Variants in ABR observed in about 807,000 individuals in gnomAD.
ABR encodes ABR activator of RhoGEF and GTPase.
In ABR, 35 loss-of-function variants were observed where a neutral mutation model predicts 107.2. The ratio of observed to expected loss-of-function variants is 0.33; its 90% confidence interval spans 0.25 to 0.43. The LOEUF (loss-of-function observed/expected upper bound fraction) is 0.43. Among genes scored for constraint, ABR ranks in the 20% least tolerant of loss-of-function variants. The probability of loss-of-function intolerance (pLI) is 1.00; values close to 1 mark genes in which losing one functional copy is unlikely to be tolerated. For synonymous variants in ABR, 498 were observed against 462.0 expected (o/e 1.08, Z -1.00); for missense variants, 815 against 1,115.2 (o/e 0.73, Z 3.83).
chr17:1,033,770 G>T (rs1385742057), intron 16 of ABR, among the ~76,000 whole-genome samples: 1 of 152,150 alleles, frequency 6.6e-6, no homozygotes, highest in African/African-American at 2.4e-5. Context: ...CTGAGGGGGA[G>T]GTGGAGAGAC....
intron 9 of ABR, among the ~76,000 whole-genome samples, chr17:1,068,018 T>G (rs2034896623): frequency 6.6e-6 from 1 of 152,208 alleles, no homozygotes; most frequent in Admixed American, 6.5e-5. Context: ...CTCCAACCTC[T>G]GCCTCCAGGG....
intron 2 of ABR, among the ~76,000 whole-genome samples, chr17:1,122,227 G>A (rs1330730491): frequency 2.0e-5 from 3 of 152,202 alleles, no homozygotes; most frequent in Non-Finnish European, 2.9e-5. Context: ...TTTCATCTGC[G>A]CAAAGCTTAT....
intron 1 of ABR, among the ~76,000 whole-genome samples, chr17:1,208,184 G>A (rs947890196): frequency 5.9e-5 from 9 of 152,122 alleles, no homozygotes; most frequent in African/African-American, 2.2e-4. Context: ...GAAGTTGCTC[G>A]ACCCCCAGAT....
chr17:1,049,920 C>G (rs1597547567), intron 16 of ABR, 130 bp downstream of exon 16: 1 of 1,325,942 alleles, frequency 7.5e-7, no homozygotes, highest in East Asian at 2.4e-5. Context: ...AGAACCACCT[C>G]CTGGGAACTT....
chr17:1,085,913 G>A (rs747898278), intron 4 of ABR, among the ~76,000 whole-genome samples: 1 of 152,282 alleles, frequency 6.6e-6, no homozygotes. Flanking sequence ...TTGGGAGGCC[G>A]AGGCGGGCAG....
intron 6 of ABR, 121 bp from the exon 7 acceptor site, chr17:1,073,798 C>T: frequency 2.4e-6 from 2 of 819,662 alleles, no homozygotes; most frequent in Non-Finnish European, 3.7e-6. Context: ...TCGAGGGACA[C>T]CAGAGTGAGC....
upstream of ABR, among the ~76,000 whole-genome samples, chr17:1,180,541 G>T (rs1016139935): frequency 1.3e-5 from 2 of 152,224 alleles, no homozygotes; most frequent in African/African-American, 4.8e-5. Context: ...GAAGTCACGG[G>T]GGCTGTGGGG....
chr17:1,057,702 T>A lies in ABR; in HGVS notation c.1381+268A>T, dbSNP rs11871660. 2,584 of 368,888 alleles carry A rather than the reference T, an allele frequency of 7.0e-3. 14 individuals carry two copies. Among genetic ancestry groups the A allele is most frequent in the Non-Finnish European group, 9.3e-3 (1,809 of 193,854 alleles). The allele number at this position is 368,888 out of a possible 1,614,324, so 22.9% of individuals were successfully genotyped here. On this transcript the variant is annotated intron_variant, in intron 12 of 22. Coordinates refer to ENST00000302538, the MANE Select transcript of ABR (RefSeq NM_021962.5). ...GTGTGTGTCTCTGTGTGTGTGTGTGTGAGAGAGAGAGAGAGGTAGAGAGAG... is the reference window on the plus strand; with the variant it reads ...GTGTGTGTCTCTGTGTGTGTGTGTGAGAGAGAGAGAGAGAGGTAGAGAGAG...
chr17:1,098,842 A>G (rs1374797869), intron 3 of ABR, among the ~76,000 whole-genome samples: 1 of 152,172 alleles, frequency 6.6e-6, no homozygotes, highest in Non-Finnish European at 1.5e-5. Context: ...CTGGAGTGCA[A>G]TGGTGCAAAC....
At chr17:1,180,248 G>A (rs2042089478), upstream of ABR, among the ~76,000 whole-genome samples, 1 of 152,174 alleles carries the variant, frequency 6.6e-6, no homozygotes, top group African/African-American at 2.4e-5. Context: ...GCAGGATCCT[G>A]GCGATCCGCA....
At chr17:1,110,066 A>T (rs1597848254) in intron 2 of ABR, among the ~76,000 whole-genome samples, 1 of 126,692 alleles carries the variant, frequency 7.9e-6, no homozygotes, top group Non-Finnish European at 1.7e-5. Context: ...CAGCCCCCCC[A>T]GCCACCCCAC....
chr17:1,106,912 T>C (rs2038291420), intron 2 of ABR, among the ~76,000 whole-genome samples: 1 of 152,220 alleles, frequency 6.6e-6, no homozygotes, highest in African/African-American at 2.4e-5. Flanking sequence ...GATCACGCCT[T>C]GTTCCTCTTG....
intron 1 of ABR, among the ~76,000 whole-genome samples, chr17:1,223,362 A>G (rs1034526080): frequency 3.4e-5 from 5 of 149,172 alleles, no homozygotes; most frequent in African/African-American, 1.0e-4. Flanking sequence ...ACTCTACGCC[A>G]GGTGTTCTGC....
rs77758092 is a variant in ABR at position 1,015,630 on chromosome 17, G to A, written c.1792-2466C>T. On this transcript the variant is annotated intron_variant, in intron 16 of 22. Transcript: ENST00000302538. ...CACAACCACACCCGGCTAATTTTTT[G>A]TATTTTTAGTAGAGATGGGGTTTCT... is the stretch of plus-strand genomic sequence containing the variant. Among the ~76,000 whole-genome samples the A allele has an allele frequency of 3.4e-3, 511 of 151,794 alleles. 14 individuals carry two copies. The highest frequency in any genetic ancestry group is 0.03 in the Admixed American group (464 of 15,238).
At chr17:1,031,707 G>A (rs2072784274) in intron 16 of ABR, 10 of 1,249,986 alleles carry the variant, frequency 8.0e-6, no homozygotes, top group African/African-American at 1.6e-5. Flanking sequence ...CCCCGCCTTC[G>A]GGCTGCAGTC....
chr17:1,019,343 AC>A (rs2071443417), intron 16 of ABR, among the ~76,000 whole-genome samples: 1 of 152,212 alleles, frequency 6.6e-6, no homozygotes, highest in Non-Finnish European at 1.5e-5. Flanking sequence ...CCCAGGCGAC[AC>A]TTGCTGCTGT....
chr17:1,058,788 T>G lies in ABR; in HGVS notation c.1262A>C (p.Asn421Thr). 1.2e-6 allele frequency: 2 copies of G among 1,613,064 alleles called. No individual in the cohort carries two copies. Among genetic ancestry groups the G allele is most frequent in the East Asian group, 2.2e-5 (1 of 44,814 alleles). ...MFENEFLLLLNSPTIPFRIHN... is the reference protein window; with the variant it reads ...MFENEFLLLLTSPTIPFRIHN... Reference sequence around the variant, plus strand: ...GATCCTGAACGGGATTGTGGGGGAGTTGAGCAGCAGCAGGAACTCATTCTC... The same window carrying G: ...GATCCTGAACGGGATTGTGGGGGAGGTGAGCAGCAGCAGGAACTCATTCTC... The change falls in exon 11 of 23, where the codon AAC (asparagine) becomes ACC (threonine). Residue 421 changes from asparagine (N) to threonine (T), a missense_variant. Around this residue, in one of 5 missense-constraint regions of ABR, gnomAD observed 385 missense variants for 596.9 expected, o/e 0.64. Transcript: ENST00000302538.
Position 1,150,264 on chromosome 17 carries a change from C to T in ABR, c.62-24897G>A, listed in dbSNP as rs1296053069. On this transcript the variant is annotated intron_variant, in intron 1 of 22. Coordinates refer to ENST00000302538, the MANE Select transcript of ABR (RefSeq NM_021962.5). This position sits in a 1 kb window ranked among gnomAD's most constrained non-coding sequence, Gnocchi z 4.8. ...TCATCTTGCTAAAGATAACAGAGCA[C>T]TTGGCCAAGCCAGCGCGATGTCTGC... is the stretch of plus-strand genomic sequence containing the variant. 6.6e-6 allele frequency among the ~76,000 whole-genome samples: 1 copy of T among 152,220 alleles called. No individual in the cohort carries two copies. The highest frequency in any genetic ancestry group is 1.5e-5 in the Non-Finnish European group (1 of 68,046).
chr17:1,120,004 C>T (rs12948300), intron 2 of ABR, among the ~76,000 whole-genome samples: 88,410 of 152,038 alleles, frequency 0.58, 26,909 homozygotes, highest in East Asian at 0.78. Context: ...AAGCGATCCT[C>T]CTGCCTCAGT....
Sources: gnomAD v4.1 joint callset for allele counts (sites outside exome capture counted in the v4.1 genomes callset) on GRCh38, gnomAD v4.1.1 for gene constraint, gnomAD v4.1.1 regional missense constraint, Gnocchi (gnomAD v3.1) non-coding constraint, MANE v1.5 for transcripts, NCBI Gene and HGNC (gene_info 2026-07-23, HGNC 2026-07-21) for gene names.